The following PAN2 variants were observed in gnomAD, a reference collection of about 807,000 sequenced individuals.
PAN2 encodes the protein poly(A) specific ribonuclease subunit PAN2.
A neutral mutation model predicts 133.3 loss-of-function variants in PAN2; 68 were observed. The observed-to-expected ratio is 0.51, with a 90% confidence interval of 0.42 to 0.62. The LOEUF is 0.62. Among genes scored for constraint, PAN2 ranks in the 20% least tolerant of loss-of-function variants. The probability of loss-of-function intolerance (pLI) is 0.00; values close to 1 mark genes in which losing one functional copy is unlikely to be tolerated. For synonymous variants in PAN2, 462 were observed against 544.6 expected (o/e 0.85, Z 2.11); for missense variants, 1,042 against 1,500.5 (o/e 0.69, Z 5.05).
chr12:56,321,377 C>T (rs1205302877), intron 20 of PAN2, among the ~76,000 whole-genome samples: 2 of 150,562 alleles, frequency 1.3e-5, no homozygotes, highest in Non-Finnish European at 3.0e-5. Flanking sequence ...AACAGGAGCA[C>T]ATCACCATAC....
rs1219436735 is a variant in PAN2, at chr12:56,319,875, T to C, written c.2935A>G (p.Thr979Ala). ...DLVGLDAEFV[T>A]LNEEEAELRS... ...TTGGTCTTGGTTACCTCATTAAGGGTGACAAACTCAGCATCCAGACCCACC... is the reference window on the plus strand; with the variant it reads ...TTGGTCTTGGTTACCTCATTAAGGGCGACAAACTCAGCATCCAGACCCACC... The change falls in exon 21 of 26, where the codon ACC becomes GCC. Residue 979 changes from threonine to alanine, a missense_variant. Coordinates refer to ENST00000440411, the MANE Select transcript of PAN2 (RefSeq NM_014871.6). This position sits in a 1 kb window ranked among gnomAD's most constrained non-coding sequence, Gnocchi z 5.4. 6.2e-7 allele frequency: 1 copy of C among 1,614,142 alleles called. No individual in the cohort carries two copies.
chr12:56,324,898 C>G, intron 10 of PAN2, 111 bp downstream of exon 10: 1 of 1,416,418 alleles, frequency 7.1e-7, no homozygotes, highest in South Asian at 1.3e-5. Context: ...GTAGAGGAGA[C>G]CATGGTAAAG....
intron 20 of PAN2, among the ~76,000 whole-genome samples, chr12:56,321,140 A>G (rs534405094): frequency 6.6e-6 from 1 of 150,988 alleles, no homozygotes; most frequent in African/African-American, 2.4e-5. Flanking sequence ...CACTCACTGC[A>G]GCCTTGACCT....
At position 56,317,342 on chromosome 12, in the gene PAN2, C is replaced by T. The variant is rs902398945; in HGVS notation, c.*267G>A. The T allele has an allele frequency of 1.4e-5, 7 of 499,260 alleles. No homozygotes were observed. Among genetic ancestry groups the T allele is most frequent in the African/African-American group, 7.8e-5 (4 of 51,552 alleles). 30.9% of individuals were successfully genotyped at this position (499,260 alleles called of 1,614,324 possible). ...TAGTCACCCAGGATATTAAGAATAC[C>T]AATTACTTTCCATCTGGGTCAATTC... On this transcript the variant is annotated 3_prime_UTR_variant, in exon 26 of 26. Coordinates refer to ENST00000440411, the MANE Select transcript of PAN2 (RefSeq NM_014871.6).
rs1874907733 is a variant in PAN2 at position 56,324,585 on chromosome 12, C to T, written c.1724G>A (p.Cys575Tyr). 6.2e-7 allele frequency: 1 copy of T among 1,613,758 alleles called. No individual in the cohort carries two copies. The highest frequency in any genetic ancestry group is 8.5e-7 in the Non-Finnish European group (1 of 1,179,816). ...TAAGTGTCTCCAAGTACTGACCTGG[C>T]AAGGGTCACCACGAGAGAGGTCCAA... ...HMLDLSRGDP[C>Y]QGNNFLRAFR... is the part of the protein sequence containing the mutation. The change falls in exon 11 of 26, where the codon TGC becomes TAC. Residue 575 changes from cysteine to tyrosine, a missense_variant. Transcript: ENST00000440411.
At position 56,319,374 on chromosome 12, in the gene PAN2, G is replaced by C. The variant is rs772681618; in HGVS notation, c.3204C>G (p.Leu1068=). 1 of 1,614,204 alleles carries C rather than the reference G, an allele frequency of 6.2e-7. No individual in the cohort carries two copies. The highest frequency in any genetic ancestry group is 8.5e-7 in the Non-Finnish European group (1 of 1,180,030). ...LKSTYLKLRF[L]IDIGVKFVGH... ...CCACAAACTTGACTCCAATGTCAAT[G>C]AGAAAACGAAGCTTTAAGTAGGTAG... Residue 1068 remains leucine (L), a synonymous_variant, in exon 23 of 26, where the codon CTC becomes CTG. Coordinates refer to ENST00000440411, the MANE Select transcript of PAN2 (RefSeq NM_014871.6). The surrounding 1 kb of genome is among the most constrained non-coding windows in gnomAD (Gnocchi z 5.4).
At chr12:56,327,737 CA>C in intron 5 of PAN2, 106 bp from the exon 6 acceptor site, 1 of 1,364,588 alleles carries the variant, frequency 7.3e-7, no homozygotes, top group South Asian at 1.4e-5. Flanking sequence ...GGCTTTAGGA[CA>C]GGGAAAGTTA....
intron 25 of PAN2, 130 bp downstream of exon 25, chr12:56,318,107 G>T (rs2135945182): frequency 1.4e-6 from 1 of 740,044 alleles, no homozygotes; most frequent in Non-Finnish European, 2.3e-6. Flanking sequence ...AGCCCAGGAA[G>T]TCGAGGCTGC....
At chr12:56,331,714 TG>T (rs1386055346) in intron 2 of PAN2, among the ~76,000 whole-genome samples, 3 of 147,996 alleles carry the variant, frequency 2.0e-5, no homozygotes, top group Non-Finnish European at 3.0e-5. Context: ...TTTTTTTTTT[TG>T]TTTTTTGTTT....
chr12:56,321,975 A>C, intron 20 of PAN2, 103 bp downstream of exon 20: 1 of 639,308 alleles, frequency 1.6e-6, no homozygotes, highest in Non-Finnish European at 2.8e-6. Context: ...AGAAATATTA[A>C]CACTGGTTAC....
intron 2 of PAN2, chr12:56,332,600 G>GAAAA (rs373985446): frequency 1.5e-4 from 50 of 323,374 alleles, no homozygotes; most frequent in South Asian, 3.2e-4. Flanking sequence ...ACCCTGTCTC[G>GAAAA]AAAAAAAAAA....
At position 56,332,938 on chromosome 12, in the gene PAN2, C is replaced by G. The variant is rs768859348; in HGVS notation, c.157G>C (p.Glu53Gln). ...ACACCTTCCATTATGTGCACTGATT[C>G]CTGGACGGGAAGAGCCTCCAAGGCC... ...GVALEALPVQ[E>Q]SVHIMEGVYS... Residue 53 changes from glutamate to glutamine, a missense_variant, in exon 2 of 26, where the codon GAA becomes CAA. By Grantham distance (29) the Glu-to-Gln change is conservative. Coordinates refer to ENST00000440411, the MANE Select transcript of PAN2 (RefSeq NM_014871.6). 9 of 1,614,196 alleles carry G rather than the reference C, an allele frequency of 5.6e-6. No individual in the cohort carries two copies. The highest frequency in any genetic ancestry group is 7.6e-6 in the Non-Finnish European group (9 of 1,180,036).
chr12:56,330,320 A>C (rs187427742), intron 2 of PAN2, among the ~76,000 whole-genome samples: 33 of 140,740 alleles, frequency 2.3e-4, no homozygotes, highest in African/African-American at 8.7e-4. Context: ...CCCACCCTTC[A>C]TTACCTCAAC....
In PAN2 at chr12:56,323,357, G is replaced by C. The variant is rs2135966961; in HGVS notation, c.2299C>G (p.His767Asp). ...EVAFKMAVKK[H>D]GGEISKNKEF... is the part of the protein sequence containing the mutation. ...TTGTTCTTGGAGATTTCCCCACCGT[G>C]TTTCTTTACTGCCATCTTGAAGGCA... The change falls in exon 16 of 26, where the codon CAC becomes GAC. Residue 767 changes from histidine (H) to aspartate (D), a missense_variant. By Grantham distance (81) the His-to-Asp change is moderately conservative. This residue lies in a region of PAN2 where 908 missense variants were observed against 1,223.5 expected (regional missense o/e 0.74). Coordinates refer to ENST00000440411, the MANE Select transcript of PAN2 (RefSeq NM_014871.6). 2 of 1,613,762 alleles carry C rather than the reference G, an allele frequency of 1.2e-6. No homozygotes were observed. Among genetic ancestry groups the C allele is most frequent in the East Asian group, 4.5e-5 (2 of 44,882 alleles).
chr12:56,333,378 AAC>A (rs1876123797), intron 1 of PAN2, 170 bp from the exon 2 acceptor site: 1 of 480,158 alleles, frequency 2.1e-6, no homozygotes, highest in Non-Finnish European at 3.8e-6. Flanking sequence ...GAGGTGGTAG[AAC>A]TGTTGTCCCT....
Position 56,328,614 on chromosome 12 carries a change from C to G in PAN2, c.310G>C (p.Ala104Pro). 1 of 1,614,136 alleles carries G rather than the reference C, an allele frequency of 6.2e-7. No individual in the cohort carries two copies. The change falls in exon 3 of 26, where the codon GCC becomes CCC. Residue 104 changes from alanine (A) to proline (P), a missense_variant. Ala to Pro is a conservative substitution (Grantham distance 27). Around this residue, in one of 3 missense-constraint regions of PAN2, gnomAD observed 908 missense variants for 1,223.5 expected, o/e 0.74. Transcript: ENST00000440411. ...GGHATSFFGP[A>P]LERYSSFQVN... is the part of the protein sequence containing the mutation. ...TGAAAGGATGAGTAGCGCTCCAAGG[C>G]TGGGCCAAAAAATGAAGTGGCATGG...
At chr12:56,321,886 G>T (rs1385606260) in intron 20 of PAN2, among the ~76,000 whole-genome samples, 192 bp downstream of exon 20, 1 of 152,008 alleles carries the variant, frequency 6.6e-6, no homozygotes, top group African/African-American at 2.4e-5. Flanking sequence ...AAAGAGATGG[G>T]ATCTTGCTAT....
At chr12:56,332,095 G>A (rs1031598682) in intron 2 of PAN2, among the ~76,000 whole-genome samples, 2 of 152,140 alleles carry the variant, frequency 1.3e-5, no homozygotes, top group Non-Finnish European at 2.9e-5. Flanking sequence ...AATTAAGATT[G>A]ATAACTGCTC....
chr12:56,332,582 A>T, intron 2 of PAN2, among the ~76,000 whole-genome samples: 1 of 149,948 alleles, frequency 6.7e-6, no homozygotes, highest in Non-Finnish European at 1.5e-5. Flanking sequence ...CCTAGGCGAC[A>T]GAGCAAGACC....
Sources: allele counts gnomAD v4.1 joint callset (sites outside exome capture counted in the v4.1 genomes callset), GRCh38; gene constraint gnomAD v4.1.1; regional missense constraint gnomAD v4.1.1; non-coding constraint Gnocchi (gnomAD v3.1); transcripts MANE v1.5; gene names NCBI Gene and HGNC (gene_info 2026-07-23, HGNC 2026-07-21).